The following CNGA4 variants were observed in gnomAD, a reference collection of about 807,000 sequenced individuals.
The protein encoded by CNGA4 is cyclic nucleotide-gated channel alpha-4.
In CNGA4, 32 loss-of-function variants were observed where a neutral mutation model predicts 45.6. That is an observed-to-expected ratio of 0.70 (90% confidence interval 0.53 to 0.94). The LOEUF (loss-of-function observed/expected upper bound fraction) is 0.94. CNGA4 is among the 40% of genes least tolerant of loss of function. CNGA4 has a pLI of 0.00. For missense variants in CNGA4, 726 were observed against 755.1 expected, an observed-to-expected ratio of 0.96 and a Z score of 0.45; for synonymous variants, 293 against 304.6, an observed-to-expected ratio of 0.96 and a Z score of 0.40.
upstream of CNGA4, among the ~76,000 whole-genome samples, chr11:6,237,990 G>C (rs1847859308): frequency 6.6e-6 from 1 of 152,154 alleles, no homozygotes; most frequent in Non-Finnish European, 1.5e-5. Context: ...ATTGATATTT[G>C]CCCAGTCACC....
intron 4 of CNGA4, among the ~76,000 whole-genome samples, chr11:6,241,189 G>A (rs1439411387): frequency 6.6e-6 from 1 of 152,188 alleles, no homozygotes; most frequent in African/African-American, 2.4e-5. Flanking sequence ...GGGTAGGGGT[G>A]GAACAAGACA....
At chr11:6,236,266 G>C (rs1290752186), upstream of CNGA4, among the ~76,000 whole-genome samples, 1 of 152,246 alleles carries the variant, frequency 6.6e-6, no homozygotes, top group East Asian at 1.9e-4. Context: ...AACATTGTGA[G>C]ATGAGGCTGA....
chr11:6,239,317 T>A, intron 1 of CNGA4, 49 bp downstream of exon 1: 1 of 1,612,978 alleles, frequency 6.2e-7, no homozygotes, highest in African/African-American at 1.3e-5. Flanking sequence ...TTCCTCTTGG[T>A]GCCCCAGTCA....
chr11:6,244,217 T>C lies in CNGA4; in HGVS notation c.1536T>C (p.Ala512=). The change falls in exon 6 of 6, where the codon GCT becomes GCC. Residue 512 remains alanine (A), a synonymous_variant. Coordinates refer to ENST00000379936, the MANE Select transcript of CNGA4 (RefSeq NM_001037329.4). The surrounding 1 kb of genome is among the most constrained non-coding windows in gnomAD (Gnocchi z 4.5). ...QQLDDLQTKF[A]RLLAELESSA... ...TGGATGATCTACAGACCAAGTTTGC[T>C]CGCCTCCTGGCTGAGCTGGAGTCCA... The C allele has an allele frequency of 1.2e-6, 2 of 1,614,198 alleles. No homozygotes were observed. Among genetic ancestry groups the C allele is most frequent in the African/African-American group, 1.3e-5 (1 of 75,046 alleles).
At chr11:6,244,504 A>G, downstream of CNGA4, 3 of 1,231,684 alleles carry the variant, frequency 2.4e-6, no homozygotes, top group Non-Finnish European at 3.4e-6. This position sits in a 1 kb window ranked among gnomAD's most constrained non-coding sequence, Gnocchi z 4.5. Context: ...CTGCGAGATC[A>G]CAGACACAGG....
upstream of CNGA4, among the ~76,000 whole-genome samples, chr11:6,236,658 T>C (rs924732446): frequency 3.3e-5 from 5 of 152,208 alleles, no homozygotes; most frequent in Non-Finnish European, 5.9e-5. Flanking sequence ...GCACTGGTGA[T>C]GTTCTGTTTC....
chr11:6,241,063 T>C (rs1847911496), intron 4 of CNGA4, among the ~76,000 whole-genome samples: 1 of 152,104 alleles, frequency 6.6e-6, no homozygotes, highest in African/African-American at 2.4e-5. Context: ...AACAAGATCA[T>C]TGGCTACCTA....
chr11:6,239,779 G>A lies in CNGA4; in HGVS notation c.260G>A (p.Arg87His), dbSNP rs754725951. The A allele has an allele frequency of 9.9e-6, 16 of 1,613,210 alleles. No homozygotes were observed. The highest frequency in any genetic ancestry group is 2.2e-5 in the East Asian group (1 of 44,888). Residue 87 changes from arginine (R) to histidine (H), a missense_variant, in exon 3 of 6, where the codon CGC becomes CAC. By Grantham distance (29) the Arg-to-His change is conservative. Coordinates refer to ENST00000379936, the MANE Select transcript of CNGA4 (RefSeq NM_001037329.4). Reference sequence around the variant, plus strand: ...CTATACCTACTAGACATGGTGGTGCGCTTCCACACAGGTCAGTGGGCTTCT... The same window carrying A: ...CTATACCTACTAGACATGGTGGTGCACTTCCACACAGGTCAGTGGGCTTCT... ...DLLYLLDMVVRFHTGFLEQGI... is the reference protein window; with the variant it reads ...DLLYLLDMVVHFHTGFLEQGI...
chr11:6,239,987 C>A, intron 3 of CNGA4, 79 bp from the exon 4 acceptor site: 1 of 1,521,654 alleles, frequency 6.6e-7, no homozygotes, highest in Non-Finnish European at 8.9e-7. Flanking sequence ...GACAGTCTCC[C>A]TGGCCTGCCC....
In CNGA4 at chr11:6,240,466, C is replaced by T; in HGVS notation, c.672C>T (p.Phe224=). ...GCCAGTACCTCTATAGCTTTTACTT[C>T]TCCACGCTGATACTGACTACAGTGG... ...LRRQYLYSFY[F]STLILTTVGD... Residue 224 remains phenylalanine, a synonymous_variant, in exon 4 of 6, where the codon TTC becomes TTT. Transcript: ENST00000379936. This position sits in a 1 kb window ranked among gnomAD's most constrained non-coding sequence, Gnocchi z 4.9. 6.2e-7 allele frequency: 1 copy of T among 1,614,228 alleles called. No individual in the cohort carries two copies. The highest frequency in any genetic ancestry group is 8.5e-7 in the Non-Finnish European group (1 of 1,180,036).
chr11:6,237,052 A>G (rs760932868), upstream of CNGA4, among the ~76,000 whole-genome samples: 2 of 152,188 alleles, frequency 1.3e-5, no homozygotes, highest in Non-Finnish European at 2.9e-5. Flanking sequence ...AGAACTTCTC[A>G]CAATGTGATG....
chr11:6,237,501 A>C (rs1254630906), upstream of CNGA4, among the ~76,000 whole-genome samples: 1 of 152,048 alleles, frequency 6.6e-6, no homozygotes, highest in Non-Finnish European at 1.5e-5. Context: ...ACTGACGTCA[A>C]TCAGACAGAG....
In CNGA4 at chr11:6,242,048, T is replaced by G. The variant is rs568279462; in HGVS notation, c.1267+268T>G. The G allele has an allele frequency of 7.4e-6, 4 of 537,486 alleles. No homozygotes were observed. In the South Asian group the frequency reaches 1.2e-4, roughly 16 times the overall value. 33.3% of individuals were successfully genotyped at this position (537,486 alleles called of 1,614,324 possible). A position where few individuals can be genotyped will look rare whatever the true frequency, so the allele number is the denominator to read the frequency against. The stretch of plus-strand genomic sequence containing the variant: ...TGTGGATATTCACCTGAAGCACCAA[T>G]AGACTAGTGGACAGTGATAGAGATA... On this transcript the variant is annotated intron_variant, in intron 5 of 5. Transcript: ENST00000379936.
At chr11:6,236,574 G>A (rs1847842260), upstream of CNGA4, among the ~76,000 whole-genome samples, 1 of 152,190 alleles carries the variant, frequency 6.6e-6, no homozygotes, top group Admixed American at 6.5e-5. Flanking sequence ...AAACTAAACT[G>A]TGATATTAGA....
chr11:6,243,866 G>A, intron 5 of CNGA4, 83 bp from the exon 6 acceptor site: 2 of 1,251,440 alleles, frequency 1.6e-6, no homozygotes, highest in Non-Finnish European at 2.2e-6. Context: ...CAAATATGGA[G>A]GTGAAGGTCC....
chr11:6,236,739 T>C (rs1847844807), upstream of CNGA4, among the ~76,000 whole-genome samples: 1 of 152,226 alleles, frequency 6.6e-6, no homozygotes, highest in Admixed American at 6.5e-5. Flanking sequence ...ACTTAAGGAT[T>C]GTACACCTTT....
At chr11:6,242,257 A>G (rs974048969) in intron 5 of CNGA4, among the ~76,000 whole-genome samples, 9 of 152,098 alleles carry the variant, frequency 5.9e-5, no homozygotes, top group African/African-American at 1.9e-4. Context: ...AACGTCGCAC[A>G]GGTATACACA....
Position 6,240,114 on chromosome 11 carries a change from G to A in CNGA4, c.320G>A (p.Ser107Asn). Residue 107 changes from serine (S) to asparagine (N), a missense_variant, in exon 4 of 6, where the codon AGT becomes AAT. Ser to Asn is a conservative substitution (Grantham distance 46, BLOSUM62 1). Coordinates refer to ENST00000379936, the MANE Select transcript of CNGA4 (RefSeq NM_001037329.4). The surrounding 1 kb of genome is among the most constrained non-coding windows in gnomAD (Gnocchi z 4.9). ...ILVVDKGRISSRYVRTWSFFL... is the reference protein window; with the variant it reads ...ILVVDKGRISNRYVRTWSFFL... Reference sequence around the variant, plus strand: ...GTGGTGGACAAGGGTAGGATCTCGAGTCGCTACGTTCGCACCTGGAGTTTC... The same window carrying A: ...GTGGTGGACAAGGGTAGGATCTCGAATCGCTACGTTCGCACCTGGAGTTTC... 1 of 1,614,004 alleles carries A rather than the reference G, an allele frequency of 6.2e-7. No individual in the cohort carries two copies. The highest frequency in any genetic ancestry group is 8.5e-7 in the Non-Finnish European group (1 of 1,179,964).
chr11:6,244,960 A>G (rs1304656914), downstream of CNGA4, among the ~76,000 whole-genome samples: 1 of 152,200 alleles, frequency 6.6e-6, no homozygotes, highest in Non-Finnish European at 1.5e-5. This position sits in a 1 kb window ranked among gnomAD's most constrained non-coding sequence, Gnocchi z 4.5. Flanking sequence ...TCAATAAAGT[A>G]TTTGCCTCCT....
Sources: allele counts gnomAD v4.1 joint callset (sites outside exome capture counted in the v4.1 genomes callset), GRCh38; gene constraint gnomAD v4.1.1; non-coding constraint Gnocchi (gnomAD v3.1); transcripts MANE v1.5; gene names NCBI Gene and HGNC (gene_info 2026-07-23, HGNC 2026-07-21).